Variants in POLN observed in about 807,000 individuals in gnomAD.
POLN encodes the protein DNA polymerase N.
In POLN, 108 loss-of-function variants were observed where a neutral mutation model predicts 113.5. That is an observed-to-expected ratio of 0.95 (90% CI 0.81 to 1.12). POLN has a LOEUF of 1.12. POLN is among the 50% of genes most tolerant of loss of function. POLN has a pLI of 0.00. For missense variants in POLN, 1,097 were observed against 1,077.1 expected (o/e 1.02, Z -0.26); for synonymous variants, 386 against 391.5 (o/e 0.99, Z 0.17).
chr4:2,142,494 A>G (rs1577719165), intron 16 of POLN, among the ~76,000 whole-genome samples: 1 of 152,234 alleles, frequency 6.6e-6, no homozygotes, highest in Non-Finnish European at 1.5e-5. Flanking sequence ...CCAAGATACA[A>G]CTAAAACCCT....
intron 5 of POLN, among the ~76,000 whole-genome samples, chr4:2,206,602 A>G (rs1482627578): frequency 1.3e-5 from 2 of 152,348 alleles, no homozygotes; most frequent in Admixed American, 1.3e-4. Context: ...TGAATAGACA[A>G]TTCTCCAAAG....
intron 16 of POLN, among the ~76,000 whole-genome samples, chr4:2,149,844 G>A (rs1021146213): frequency 6.6e-6 from 1 of 152,040 alleles, no homozygotes. Flanking sequence ...AGCACTTTGG[G>A]AGGCCAAGGA....
At chr4:2,183,944 G>C (rs1250446810) in intron 7 of POLN, among the ~76,000 whole-genome samples, 1 of 149,574 alleles carries the variant, frequency 6.7e-6, no homozygotes, top group African/African-American at 2.5e-5. Context: ...ATCTCTGCCT[G>C]CCAGGTTCAG....
At chr4:2,224,239 C>T (rs567739115) in intron 3 of POLN, among the ~76,000 whole-genome samples, 2 of 152,290 alleles carry the variant, frequency 1.3e-5, no homozygotes, top group East Asian at 3.9e-4. Context: ...GCATTAGTAT[C>T]ACTGTCTTCT....
At chr4:2,113,586 G>T (rs1218596176) in intron 19 of POLN, among the ~76,000 whole-genome samples, 2 of 151,258 alleles carry the variant, frequency 1.3e-5, no homozygotes, top group Admixed American at 6.6e-5. Flanking sequence ...GGCTGGGCAT[G>T]GTGGCTCATG....
intron 8 of POLN, 64 bp downstream of exon 8, chr4:2,179,244 G>C (rs1407438329): frequency 1.4e-6 from 2 of 1,445,560 alleles, no homozygotes; most frequent in African/African-American, 2.9e-5. Flanking sequence ...CAATAAAATA[G>C]AAAAAGCTTC....
intron 2 of POLN, chr4:2,230,003 A>G (rs1734524178): frequency 6.6e-6 from 1 of 152,188 alleles, no homozygotes; most frequent in African/African-American, 2.4e-5. Flanking sequence ...AGTATAAATC[A>G]AGCATCTGGG....
At chr4:2,212,056 A>G (rs1734006592) in intron 4 of POLN, among the ~76,000 whole-genome samples, 1 of 152,268 alleles carries the variant, frequency 6.6e-6, no homozygotes, top group Middle Eastern at 3.4e-3. Flanking sequence ...CATCAACCCA[A>G]GAGACAGGTC....
chr4:2,181,485 G>C (rs1733140897), intron 7 of POLN, among the ~76,000 whole-genome samples: 1 of 147,024 alleles, frequency 6.8e-6, no homozygotes, highest in Non-Finnish European at 1.5e-5. Flanking sequence ...AAAGAATCAA[G>C]TCCAACAGAA....
intron 3 of POLN, among the ~76,000 whole-genome samples, chr4:2,217,611 T>C (rs1016636787): frequency 2.0e-5 from 3 of 151,614 alleles, no homozygotes; most frequent in Non-Finnish European, 4.4e-5. Context: ...CAGGGCCCAG[T>C]AGCATGACAG....
chr4:2,231,960 TTGAG>T (rs1560102330), intron 2 of POLN: 3 of 1,435,792 alleles, frequency 2.1e-6, no homozygotes, highest in East Asian at 2.3e-5. Context: ...TAATCTTTGA[TTGAG>T]TTTCTAAATT....
Position 2,080,963 on chromosome 4 carries a change from C to T in POLN, c.2382G>A (p.Thr794=), listed in dbSNP as rs371908572. 2.7e-5 allele frequency: 43 copies of T among 1,613,862 alleles called. No homozygotes were observed. The highest frequency in any genetic ancestry group is 2.0e-4 in the East Asian group (9 of 44,886). Reference sequence around the variant, plus strand: ...GGAGACCACCACCCACTGACCTGGCCGTCAAGGTGTGGGAAGCAGCCACTG... The same window carrying T: ...GGAGACCACCACCCACTGACCTGGCTGTCAAGGTGTGGGAAGCAGCCACTG... ...FTAVAASHTL[T]ARLVAQIHDE... is the part of the protein sequence containing the mutation. Residue 794 remains threonine (T), a synonymous_variant, in exon 23 of 26, where the codon ACG becomes ACA. Coordinates refer to ENST00000511885, the MANE Select transcript of POLN (RefSeq NM_181808.4).
chr4:2,089,521 T>C, intron 20 of POLN: 2 of 1,288,486 alleles, frequency 1.6e-6, no homozygotes, highest in Middle Eastern at 3.7e-4. Flanking sequence ...CTGCAAATTA[T>C]CATTTTTAAA....
intron 16 of POLN, among the ~76,000 whole-genome samples, chr4:2,135,717 G>A (rs549830947): frequency 3.3e-5 from 5 of 152,354 alleles, no homozygotes; most frequent in African/African-American, 1.2e-4. Flanking sequence ...TGTGGGAGAA[G>A]CCTGTGGGGG....
chr4:2,203,201 C>T (rs1733758494), intron 5 of POLN, among the ~76,000 whole-genome samples: 1 of 152,176 alleles, frequency 6.6e-6, no homozygotes, highest in African/African-American at 2.4e-5. Context: ...AAGGAACCTT[C>T]AAAACCATAC....
At chr4:2,198,970 AACACATCAGAAAGGAAGC>A (rs1254543948) in intron 5 of POLN, among the ~76,000 whole-genome samples, 3 of 152,138 alleles carry the variant, frequency 2.0e-5, no homozygotes, top group Admixed American at 2.0e-4. Flanking sequence ...ATAAAAGGCA[AACACATCAGAAAGGAAGC>A]ATCATACTTT....
At chr4:2,122,357 G>GA (rs748446918) in intron 19 of POLN, among the ~76,000 whole-genome samples, 15 of 152,120 alleles carry the variant, frequency 9.9e-5, no homozygotes, top group East Asian at 3.8e-4. Flanking sequence ...GCGAAAGTGA[G>GA]AAAAAAGGAC....
chr4:2,162,570 C>G (rs2108743102), intron 13 of POLN, among the ~76,000 whole-genome samples: 1 of 152,322 alleles, frequency 6.6e-6, no homozygotes, highest in East Asian at 1.9e-4. Context: ...TATCCTCCTG[C>G]CTCAACCTCC....
At chr4:2,237,622 C>G (rs1734813005) in intron 2 of POLN, among the ~76,000 whole-genome samples, 1 of 152,104 alleles carries the variant, frequency 6.6e-6, no homozygotes, top group Admixed American at 6.6e-5. Context: ...AAAGCTAGGG[C>G]AAATCAATCT....
Sources: gnomAD v4.1 joint callset for allele counts (sites outside exome capture counted in the v4.1 genomes callset) on GRCh38, gnomAD v4.1.1 for gene constraint, MANE v1.5 for transcripts, NCBI Gene and HGNC (gene_info 2026-07-23, HGNC 2026-07-21) for gene names.